Variants in MARK1 observed in about 807,000 individuals in gnomAD.
The protein encoded by MARK1 is microtubule affinity regulating kinase 1, also known as serine/threonine-protein kinase MARK1.
MARK1 carries 40 observed loss-of-function variants against 96.3 expected under a neutral mutation model. The ratio of observed to expected loss-of-function variants is 0.42; its 90% CI spans 0.32 to 0.54. The LOEUF (loss-of-function observed/expected upper bound fraction) is 0.54. Ranked by LOEUF, MARK1 falls within the 20% of genes least tolerant of loss-of-function variation. The probability of loss-of-function intolerance (pLI) is 0.16; values close to 1 mark genes in which losing one functional copy is unlikely to be tolerated. For synonymous variants in MARK1, 317 were observed against 341.2 expected (o/e 0.93, Z 0.78); for missense variants, 719 against 984.6 (o/e 0.73, Z 3.61).
At chr1:220,536,549 A>C (rs914809157) in intron 1 of MARK1, among the ~76,000 whole-genome samples, 1 of 151,204 alleles carries the variant, frequency 6.6e-6, no homozygotes, top group Non-Finnish European at 1.5e-5. Flanking sequence ...TTATTTAACC[A>C]GTCCTCTCTC....
intron 6 of MARK1, among the ~76,000 whole-genome samples, chr1:220,613,083 A>C (rs966770457): frequency 6.6e-6 from 1 of 152,218 alleles, no homozygotes; most frequent in African/African-American, 2.4e-5. Flanking sequence ...TCATGTTTTC[A>C]GGATCCATTA....
At chr1:220,536,102 T>C in intron 1 of MARK1, among the ~76,000 whole-genome samples, 1 of 152,174 alleles carries the variant, frequency 6.6e-6, no homozygotes, top group East Asian at 1.9e-4. Flanking sequence ...TGTATGTTGA[T>C]TTTGTAGCCT....
At chr1:220,588,890 A>G (rs146092808) in intron 3 of MARK1, among the ~76,000 whole-genome samples, 5 of 152,320 alleles carry the variant, frequency 3.3e-5, no homozygotes, top group African/African-American at 9.6e-5. Context: ...GAAGTTTTAT[A>G]AAGATTGCAG....
chr1:220,580,064 TATTTGCAC>T (rs1326488573), intron 2 of MARK1, among the ~76,000 whole-genome samples: 1 of 152,202 alleles, frequency 6.6e-6, no homozygotes, highest in Non-Finnish European at 1.5e-5. Context: ...AGAATTTATA[TATTTGCAC>T]ATATGTACGT....
chr1:220,610,555 A>G (rs942566003), intron 6 of MARK1, among the ~76,000 whole-genome samples: 2 of 152,140 alleles, frequency 1.3e-5, no homozygotes, highest in African/African-American at 2.4e-5. Flanking sequence ...ACTTCTGTCA[A>G]CTTGTCAAAG....
At chr1:220,624,196 G>A (rs1384886268) in intron 9 of MARK1, among the ~76,000 whole-genome samples, 2 of 151,592 alleles carry the variant, frequency 1.3e-5, no homozygotes, top group African/African-American at 4.8e-5. Context: ...TACTCGGGAG[G>A]CTGAGGCAGG....
chr1:220,637,963 T>A (rs1407333652), intron 13 of MARK1, among the ~76,000 whole-genome samples: 1 of 152,190 alleles, frequency 6.6e-6, no homozygotes, highest in African/African-American at 2.4e-5. Flanking sequence ...TTGAATATGG[T>A]TATGTATATT....
chr1:220,574,094 C>CT (rs557984888), intron 1 of MARK1, among the ~76,000 whole-genome samples: 225 of 152,230 alleles, frequency 1.5e-3, no homozygotes, highest in African/African-American at 4.7e-3. Flanking sequence ...TGAATCATAT[C>CT]TGTCTGTTCC....
chr1:220,628,356 C>A (rs1283354097), intron 9 of MARK1, among the ~76,000 whole-genome samples: 1 of 152,150 alleles, frequency 6.6e-6, no homozygotes, highest in Non-Finnish European at 1.5e-5. Flanking sequence ...AGAGTATCTA[C>A]ACTTAAACCA....
chr1:220,540,593 A>G (rs1200014974), intron 1 of MARK1, among the ~76,000 whole-genome samples: 3 of 152,236 alleles, frequency 2.0e-5, no homozygotes, highest in Admixed American at 1.3e-4. Context: ...CTAGGAATTT[A>G]TACATTTCTT....
chr1:220,528,805 C>T lies in MARK1; in HGVS notation c.-18C>T. The T allele has an allele frequency of 1.9e-6, 3 of 1,549,590 alleles. No homozygotes were observed. The highest frequency in any genetic ancestry group is 3.9e-5 in the Admixed American group (2 of 51,548). Reference sequence around the variant, plus strand: ...CCCGGCCGGCGAGACCCCGGCCAGACCCCGCTGCCCGCACAAAATGTCGGC... The same window carrying T: ...CCCGGCCGGCGAGACCCCGGCCAGATCCCGCTGCCCGCACAAAATGTCGGC... On this transcript the variant is annotated 5_prime_UTR_variant, in exon 1 of 18. Transcript: ENST00000366917.
Position 220,566,740 on chromosome 1 carries a change from C to T in MARK1, c.52-12614C>T, listed in dbSNP as rs73093527. Among the ~76,000 whole-genome samples the T allele has an allele frequency of 2.5e-3, 379 of 152,120 alleles. 3 individuals carry two copies. The highest frequency in any genetic ancestry group is 8.5e-3 in the African/African-American group (353 of 41,506). On this transcript the variant is annotated intron_variant, in intron 1 of 17. Coordinates refer to ENST00000366917, the MANE Select transcript of MARK1 (RefSeq NM_018650.5). Reference sequence around the variant, plus strand: ...AATTCAGGCATAATCTACTAATTTGCTTAGAAAGTAGGTAAGTAGTTTCTA... The same window carrying T: ...AATTCAGGCATAATCTACTAATTTGTTTAGAAAGTAGGTAAGTAGTTTCTA...
intron 6 of MARK1, among the ~76,000 whole-genome samples, chr1:220,615,322 G>C (rs1333630289): frequency 1.3e-5 from 2 of 152,082 alleles, no homozygotes; most frequent in Non-Finnish European, 2.9e-5. Context: ...TCACCTGACT[G>C]AATTAGTGAC....
intron 1 of MARK1, among the ~76,000 whole-genome samples, chr1:220,558,399 C>T (rs1434685686): frequency 6.6e-6 from 1 of 150,770 alleles, no homozygotes; most frequent in Non-Finnish European, 1.5e-5. Context: ...GTAAGATAAT[C>T]AGAAAATAAA....
chr1:220,649,410 G>A (rs1394639886), intron 13 of MARK1, among the ~76,000 whole-genome samples: 1 of 151,944 alleles, frequency 6.6e-6, no homozygotes, highest in African/African-American at 2.4e-5. Context: ...TGTATTTTTT[G>A]TGGAGATGGG....
intron 6 of MARK1, among the ~76,000 whole-genome samples, chr1:220,613,649 A>G (rs1666580986): frequency 6.6e-6 from 1 of 152,218 alleles, no homozygotes; most frequent in African/African-American, 2.4e-5. Context: ...AATAAAATAT[A>G]CATATAAATG....
At chr1:220,550,191 T>C (rs1409211749) in intron 1 of MARK1, among the ~76,000 whole-genome samples, 2 of 152,214 alleles carry the variant, frequency 1.3e-5, no homozygotes, top group Admixed American at 1.3e-4. Context: ...TAAAGGCAAG[T>C]CTTAAGTCAG....
At chr1:220,657,177 T>C (rs1669220037) in intron 16 of MARK1, among the ~76,000 whole-genome samples, 1 of 152,210 alleles carries the variant, frequency 6.6e-6, no homozygotes, top group Admixed American at 6.5e-5. Context: ...AGTAGTGTTT[T>C]CCTGGTTTTA....
intron 1 of MARK1, among the ~76,000 whole-genome samples, chr1:220,530,228 T>A (rs113621465): frequency 1.3e-5 from 2 of 152,148 alleles, no homozygotes; most frequent in Admixed American, 1.3e-4. Flanking sequence ...GCCGTGCATT[T>A]AAATGGGAAA....
Sources: gnomAD v4.1 joint callset for allele counts (sites outside exome capture counted in the v4.1 genomes callset) on GRCh38, gnomAD v4.1.1 for gene constraint, MANE v1.5 for transcripts, NCBI Gene and HGNC (gene_info 2026-07-23, HGNC 2026-07-21) for gene names.